NAP1L1: variants seen among roughly 807,000 people sequenced by gnomAD.
NAP1L1 encodes the protein nucleosome assembly protein 1-like 1.
Under a neutral mutation model 58.9 loss-of-function variants are expected in NAP1L1, and 9 were observed. The observed-to-expected ratio is 0.15, with a 90% CI of 0.09 to 0.27. The LOEUF is 0.27. NAP1L1 is among the 10% of genes least tolerant of loss of function. The pLI is 1.00. For missense variants in NAP1L1, 302 were observed against 458.8 expected (o/e 0.66, Z 3.12); for synonymous variants, 130 against 138.3 (o/e 0.94, Z 0.42).
At chr12:76,071,986 C>A (rs1949972614) in intron 2 of NAP1L1, among the ~76,000 whole-genome samples, 1 of 149,850 alleles carries the variant, frequency 6.7e-6, no homozygotes. Flanking sequence ...ACCATTCTAA[C>A]ACTGGGGTTT....
intron 1 of NAP1L1, among the ~76,000 whole-genome samples, chr12:76,080,877 A>G (rs1196842878): frequency 6.6e-6 from 1 of 152,108 alleles, no homozygotes; most frequent in East Asian, 1.9e-4. Context: ...TTCATGGATT[A>G]ATGTATTTCT....
At position 76,044,366 on chromosome 12, in the gene NAP1L1, T is replaced by G. The variant is rs1948578615; in HGVS notation, c.*4063A>C. ...AAAGCAATGCTTTTATGTAATATTT[T>G]ATCCTGGGTTTCAAAATAATAAAAC... On this transcript the variant is annotated 3_prime_UTR_variant, in exon 15 of 15. Transcript: ENST00000618691. 1 of 152,224 alleles carries G rather than the reference T, an allele frequency of 6.6e-6. No homozygotes were observed. The highest frequency in any genetic ancestry group is 6.5e-5 in the Admixed American group (1 of 15,288). The allele number at this position is 152,224 out of a possible 1,614,324, so 9.4% of individuals were successfully genotyped here.
At position 76,040,161 on chromosome 12, in the gene NAP1L1, T is replaced by C. The variant is rs1340380836; in HGVS notation, c.*8268A>G. On this transcript the variant is annotated 3_prime_UTR_variant, in exon 15 of 15. Transcript: ENST00000618691. The stretch of plus-strand genomic sequence containing the variant: ...TTTTTCTCCCTGAACAGGCATACAA[T>C]ATGTAATTTAAGCTTTGATGTCTTT... The C allele has an allele frequency of 6.6e-6, 1 of 152,142 alleles. No individual in the cohort carries two copies. Among genetic ancestry groups the C allele is most frequent in the Non-Finnish European group, 1.5e-5 (1 of 68,012 alleles). The allele number at this position is 152,142 out of a possible 1,614,324, so 9.4% of individuals were successfully genotyped here.
chr12:76,060,042 T>A (rs1043143837), intron 5 of NAP1L1, 96 bp downstream of exon 5: 3 of 1,354,104 alleles, frequency 2.2e-6, no homozygotes, highest in African/African-American at 1.5e-5. Context: ...ACAATTTCAA[T>A]GAGAGTTCTA....
At position 76,067,991 on chromosome 12, in the gene NAP1L1, G is replaced by A. The variant is rs1949763166; in HGVS notation, c.104-518C>T. Among the ~76,000 whole-genome samples, 4 of 152,176 alleles carry A rather than the reference G, an allele frequency of 2.6e-5. No individual in the cohort carries two copies. The South Asian group carries it at 8.3e-4, about 31-fold the overall frequency. ...TTAATAGTTGGGACAGTCAAAGACTGTAACTAAAGCCAAACAAAATGTGGT... is the reference window on the plus strand; with the variant it reads ...TTAATAGTTGGGACAGTCAAAGACTATAACTAAAGCCAAACAAAATGTGGT... On this transcript the variant is annotated intron_variant, in intron 3 of 14. Coordinates refer to ENST00000618691, the MANE Select transcript of NAP1L1 (RefSeq NM_004537.7).
intron 1 of NAP1L1, among the ~76,000 whole-genome samples, chr12:76,079,956 T>C (rs1448551569): frequency 1.3e-5 from 2 of 152,198 alleles, no homozygotes; most frequent in Non-Finnish European, 2.9e-5. Context: ...GTGCTGTGAT[T>C]GATTACAGGT....
At chr12:76,061,756 A>AGAT (rs1949428305) in intron 4 of NAP1L1, among the ~76,000 whole-genome samples, 2 of 152,240 alleles carry the variant, frequency 1.3e-5, no homozygotes, top group African/African-American at 4.8e-5. Context: ...TTACTTAGCC[A>AGAT]CCAGTTTACT....
chr12:76,045,017 G>A lies in NAP1L1; in HGVS notation c.*3412C>T, dbSNP rs1400468498. 2 of 151,822 alleles carry A rather than the reference G, an allele frequency of 1.3e-5. No homozygotes were observed. The highest frequency in any genetic ancestry group is 2.4e-5 in the African/African-American group (1 of 41,334). 9.4% of individuals were successfully genotyped at this position (151,822 alleles called of 1,614,324 possible). A position where few individuals can be genotyped will look rare whatever the true frequency, so the allele number is the denominator to read the frequency against. On this transcript the variant is annotated 3_prime_UTR_variant, in exon 15 of 15. Transcript: ENST00000618691. The stretch of plus-strand genomic sequence containing the variant: ...ATCACCATTTACATGTACTTTTCAG[G>A]TATCAGAGACTTAGTGCTTTAAGTA...
At position 76,043,554 on chromosome 12, in the gene NAP1L1, G is replaced by A. The variant is rs997403602; in HGVS notation, c.*4875C>T. On this transcript the variant is annotated 3_prime_UTR_variant, in exon 15 of 15. Transcript: ENST00000618691. ...ACTTGAAATACTCTTGTAACAGGTG[G>A]TTCCAGTGTTTTAAACCCATTAAGA... is the stretch of plus-strand genomic sequence containing the variant. 6.6e-6 allele frequency: 1 copy of A among 151,762 alleles called. No homozygotes were observed. Among genetic ancestry groups the A allele is most frequent in the African/African-American group, 2.4e-5 (1 of 41,290 alleles). The allele number at this position is 151,762 out of a possible 1,614,324, so 9.4% of individuals were successfully genotyped here.
At chr12:76,054,658 G>A (rs1948993433) in intron 8 of NAP1L1, among the ~76,000 whole-genome samples, 1 of 152,174 alleles carries the variant, frequency 6.6e-6, no homozygotes, top group Admixed American at 6.5e-5. Flanking sequence ...ATTAATTCTG[G>A]TGGTTTGGTG....
At chr12:76,062,462 G>GA (rs1209716466) in intron 4 of NAP1L1, among the ~76,000 whole-genome samples, 1 of 152,146 alleles carries the variant, frequency 6.6e-6, no homozygotes, top group African/African-American at 2.4e-5. Flanking sequence ...CAATTTCTAT[G>GA]AAAGAGTGAA....
chr12:76,080,543 T>C (rs1345443852), intron 1 of NAP1L1, among the ~76,000 whole-genome samples: 1 of 152,230 alleles, frequency 6.6e-6, no homozygotes, highest in Admixed American at 6.5e-5. Flanking sequence ...ATACATTCTA[T>C]GACATTCACA....
chr12:76,075,812 G>A (rs1000866712), intron 1 of NAP1L1, among the ~76,000 whole-genome samples: 4 of 152,008 alleles, frequency 2.6e-5, no homozygotes, highest in Non-Finnish European at 4.4e-5. Flanking sequence ...TTTCCAGCTA[G>A]TGTTCCCGTA....
At chr12:76,075,495 T>G (rs1950140186) in intron 1 of NAP1L1, among the ~76,000 whole-genome samples, 1 of 152,204 alleles carries the variant, frequency 6.6e-6, no homozygotes, top group African/African-American at 2.4e-5. Flanking sequence ...GGGGAAACAT[T>G]ATTACTGACC....
chr12:76,062,478 T>C (rs778521023), intron 4 of NAP1L1, among the ~76,000 whole-genome samples: 6 of 152,162 alleles, frequency 3.9e-5, no homozygotes. Flanking sequence ...GTGAATGAAA[T>C]GATTATCATC....
At chr12:76,078,218 G>A (rs946411319) in intron 1 of NAP1L1, among the ~76,000 whole-genome samples, 12 of 151,848 alleles carry the variant, frequency 7.9e-5, no homozygotes, top group South Asian at 2.1e-4. Flanking sequence ...GCCTGTCCAC[G>A]GTGGCTATCT....
rs1948589168 is a variant in NAP1L1, at chr12:76,045,253, T to TA, written c.*3175dup. On this transcript the variant is annotated 3_prime_UTR_variant, in exon 15 of 15. Coordinates refer to ENST00000618691, the MANE Select transcript of NAP1L1 (RefSeq NM_004537.7). ...TTGTTTTGATTTAAAGTCAAAAATA[T>TA]AAAGGCTTAAATTTTTGTAAGACTA... 1 of 152,088 alleles carries TA rather than the reference T, an allele frequency of 6.6e-6. No individual in the cohort carries two copies. 9.4% of individuals were successfully genotyped at this position (152,088 alleles called of 1,614,324 possible).
intron 6 of NAP1L1, chr12:76,058,151 G>T: frequency 3.0e-6 from 2 of 657,310 alleles, no homozygotes; most frequent in South Asian, 2.8e-5. Flanking sequence ...TGTAGTTAAT[G>T]GCCTGAACTG....
At chr12:76,082,226 C>T (rs1028623802) in intron 1 of NAP1L1, among the ~76,000 whole-genome samples, 4 of 152,068 alleles carry the variant, frequency 2.6e-5, no homozygotes, top group African/African-American at 9.7e-5. Flanking sequence ...TTCTTTAGCC[C>T]CTTCTACAAA....
Sources: allele counts gnomAD v4.1 joint callset (sites outside exome capture counted in the v4.1 genomes callset), GRCh38; gene constraint gnomAD v4.1.1; transcripts MANE v1.5; gene names NCBI Gene and HGNC (gene_info 2026-07-23, HGNC 2026-07-21).